The following HYAL4 variants were observed in gnomAD, a reference collection of about 807,000 sequenced individuals.
The protein encoded by HYAL4 is hyaluronidase 4.
Under a neutral mutation model 35.2 loss-of-function variants are expected in HYAL4, and 37 were observed. That is an observed-to-expected ratio of 1.05 (90% CI 0.81 to 1.38). The LOEUF is 1.38. Ranked by LOEUF, HYAL4 falls within the 40% of genes most tolerant of loss-of-function variation. The pLI, the probability that HYAL4 is intolerant of heterozygous loss-of-function variation, is 0.00. For missense variants in HYAL4, 572 were observed against 572.4 expected (o/e 1.00, Z 0.01); for synonymous variants, 198 against 203.2 (o/e 0.97, Z 0.22).
At chr7:123,862,772 C>G (rs80338026) in intron 2 of HYAL4, among the ~76,000 whole-genome samples, 15,529 of 152,200 alleles carry the variant, frequency 0.1, 1,001 homozygotes, top group Non-Finnish European at 0.14. Flanking sequence ...TGTGTCTTTT[C>G]CCTTAAAGGC....
At chr7:123,833,698 A>C (rs955277335) in intron 1 of HYAL4, among the ~76,000 whole-genome samples, 1 of 151,924 alleles carries the variant, frequency 6.6e-6, no homozygotes, top group Non-Finnish European at 1.5e-5. Context: ...TATCTTCTGG[A>C]ATTTTTATAG....
At chr7:123,778,397 G>A in the HYAL4 span, among the ~76,000 whole-genome samples, 3 of 151,958 alleles carry the variant, frequency 2.0e-5, no homozygotes, top group African/African-American at 7.3e-5. Context: ...CCAATTGACG[G>A]GGGTTCAATT....
chr7:123,840,871 C>G (rs1243339712), upstream of HYAL4, among the ~76,000 whole-genome samples: 2 of 151,958 alleles, frequency 1.3e-5, no homozygotes, highest in Non-Finnish European at 2.9e-5. Flanking sequence ...TGCTTATCAG[C>G]TTAAGGAGAT....
chr7:123,872,912 G>A (rs573387997), intron 3 of HYAL4, among the ~76,000 whole-genome samples: 5 of 152,280 alleles, frequency 3.3e-5, no homozygotes, highest in South Asian at 2.1e-4. Flanking sequence ...AACATCTGAC[G>A]CTTACATACT....
the HYAL4 span, chr7:123,814,317 T>A: frequency 6.6e-6 from 1 of 152,652 alleles, no homozygotes; most frequent in Non-Finnish European, 1.5e-5. Context: ...CTTCAAGTAT[T>A]TAACATTATA....
chr7:123,789,787 C>A, the HYAL4 span, among the ~76,000 whole-genome samples: 2 of 151,820 alleles, frequency 1.3e-5, no homozygotes, highest in Non-Finnish European at 2.9e-5. Flanking sequence ...TATATATATC[C>A]ATATACACAT....
the HYAL4 span, among the ~76,000 whole-genome samples, chr7:123,799,334 A>G: frequency 6.6e-6 from 1 of 151,886 alleles, no homozygotes; most frequent in Non-Finnish European, 1.5e-5. Context: ...CAATATTTTC[A>G]GTTCCCTACT....
chr7:123,764,229 C>G, the HYAL4 span, among the ~76,000 whole-genome samples: 2 of 152,308 alleles, frequency 1.3e-5, no homozygotes, highest in South Asian at 4.1e-4. Context: ...CCCACTTGAG[C>G]CTCCCAGTGC....
the HYAL4 span, among the ~76,000 whole-genome samples, chr7:123,797,003 G>A: frequency 2.0e-5 from 3 of 152,234 alleles, no homozygotes; most frequent in Non-Finnish European, 4.4e-5. Context: ...TCAAGAGTCT[G>A]TGCTCTCAAT....
chr7:123,831,725 CT>C (rs1376117191), intron 1 of HYAL4, among the ~76,000 whole-genome samples: 1 of 152,152 alleles, frequency 6.6e-6, no homozygotes, highest in South Asian at 2.1e-4. Flanking sequence ...TTCTGCCCCC[CT>C]CCCCATGCGT....
intron 2 of HYAL4, among the ~76,000 whole-genome samples, chr7:123,866,181 A>T (rs546723338): frequency 6.6e-6 from 1 of 152,332 alleles, no homozygotes; most frequent in African/African-American, 2.4e-5. Context: ...TAAGCAACCA[A>T]AACAAACCTT....
At chr7:123,843,027 T>C (rs1009932074), upstream of HYAL4, among the ~76,000 whole-genome samples, 5 of 152,004 alleles carry the variant, frequency 3.3e-5, no homozygotes, top group African/African-American at 1.2e-4. Flanking sequence ...ATGAGTGAAT[T>C]TGAGCCTGTC....
In HYAL4 at chr7:123,868,898, A is replaced by G; in HGVS notation, c.625A>G (p.Ser209Gly). The part of the protein sequence containing the change: ...MKETIKLGIK[S>G]RPKGLWGYYL... ...GGAAACCATCAAATTGGGAATTAAG[A>G]GCCGACCCAAAGGCCTTTGGGGTTA... The change falls in exon 3 of 5, where the codon AGC becomes GGC. Residue 209 changes from serine (S) to glycine (G), a missense_variant. Physicochemically the swap from Ser to Gly is moderately conservative, Grantham distance 56. Coordinates refer to ENST00000223026, the MANE Select transcript of HYAL4 (RefSeq NM_012269.3). The G allele has an allele frequency of 6.2e-7, 1 of 1,614,210 alleles. No homozygotes were observed. The highest frequency in any genetic ancestry group is 1.6e-4 in the Middle Eastern group (1 of 6,062).
chr7:123,868,185 C>G, intron 2 of HYAL4, 38 bp from the exon 3 acceptor site: 1 of 603,300 alleles, frequency 1.7e-6, no homozygotes, highest in Non-Finnish European at 2.7e-6. Flanking sequence ...TCTTTTTCCT[C>G]AAAACTATGA....
At chr7:123,813,342 A>G in the HYAL4 span, among the ~76,000 whole-genome samples, 1 of 152,154 alleles carries the variant, frequency 6.6e-6, no homozygotes, top group Non-Finnish European at 1.5e-5. Flanking sequence ...ATATTCTGGG[A>G]AGATTCTTTG....
At chr7:123,872,630 T>C (rs1372718388) in intron 3 of HYAL4, among the ~76,000 whole-genome samples, 1 of 152,202 alleles carries the variant, frequency 6.6e-6, no homozygotes, top group Non-Finnish European at 1.5e-5. Flanking sequence ...TCAGTACATC[T>C]ACTTTGTTCC....
At chr7:123,769,758 C>A in the HYAL4 span, among the ~76,000 whole-genome samples, 1 of 151,630 alleles carries the variant, frequency 6.6e-6, no homozygotes, top group African/African-American at 2.4e-5. Context: ...TTTAAACAGT[C>A]CTTTTGTAAA....
the HYAL4 span, among the ~76,000 whole-genome samples, chr7:123,798,603 G>A: frequency 1.2e-4 from 18 of 152,276 alleles, no homozygotes; most frequent in Admixed American, 3.9e-4. Flanking sequence ...TGTCAATCAC[G>A]TTCACGGGGC....
At chr7:123,875,947 T>C (rs1807010765) in intron 4 of HYAL4, 1 of 448,654 alleles carries the variant, frequency 2.2e-6, no homozygotes, top group Non-Finnish European at 4.5e-6. Context: ...ACTGAGATAG[T>C]GTTCATGAAA....
Sources: allele counts gnomAD v4.1 joint callset (sites outside exome capture counted in the v4.1 genomes callset), GRCh38; gene constraint gnomAD v4.1.1; transcripts MANE v1.5; gene names NCBI Gene and HGNC (gene_info 2026-07-23, HGNC 2026-07-21).